ACTR3C: variants seen among roughly 807,000 people sequenced by gnomAD.
The protein encoded by ACTR3C is actin-related protein 3C.
Under a neutral mutation model 26.3 loss-of-function variants are expected in ACTR3C, and 18 were observed. That is an observed-to-expected ratio of 0.68 (90% CI 0.47 to 1.01). The LOEUF (loss-of-function observed/expected upper bound fraction) is 1.01. ACTR3C is among the 50% of genes least tolerant of loss of function. The pLI is 0.00. For missense variants in ACTR3C, 184 were observed against 250.7 expected, an observed-to-expected ratio of 0.73 and a Z score of 1.80; for synonymous variants, 55 against 94.5, an observed-to-expected ratio of 0.58 and a Z score of 2.42.
At chr7:149,925,442 C>T in the ACTR3C span, among the ~76,000 whole-genome samples, 5 of 152,160 alleles carry the variant, frequency 3.3e-5, no homozygotes, top group African/African-American at 1.2e-4. Context: ...GCAGGGGAAG[C>T]CGGCACCATT....
the ACTR3C span, among the ~76,000 whole-genome samples, chr7:149,924,512 T>A: frequency 6.6e-6 from 1 of 152,232 alleles, no homozygotes; most frequent in Non-Finnish European, 1.5e-5. Context: ...CACTCTGATT[T>A]AAATTAACAT....
In ACTR3C at chr7:150,285,102, C is replaced by A. The variant is rs1447135379; in HGVS notation, c.472-257G>T. Among the ~76,000 whole-genome samples the A allele has an allele frequency of 4.6e-5, 7 of 152,228 alleles. No homozygotes were observed. In the East Asian group the frequency reaches 5.8e-4, roughly 13 times the overall value. Reference sequence around the variant, plus strand: ...CCAACAACATCACAGACAGACCACCCCCACCCCATGAATACACAGTGATTC... The same window carrying A: ...CCAACAACATCACAGACAGACCACCACCACCCCATGAATACACAGTGATTC... On this transcript the variant is annotated intron_variant, in intron 5 of 7. Coordinates refer to ENST00000683684, the MANE Select transcript of ACTR3C (RefSeq NM_001164458.2).
the ACTR3C span, among the ~76,000 whole-genome samples, chr7:150,150,334 G>A: frequency 6.6e-5 from 10 of 152,164 alleles, no homozygotes; most frequent in Middle Eastern, 3.2e-3. Flanking sequence ...TTTCTCTCCC[G>A]CTGGTCTTGA....
At chr7:149,975,446 G>A in the ACTR3C span, among the ~76,000 whole-genome samples, 1 of 151,928 alleles carries the variant, frequency 6.6e-6, no homozygotes, top group Non-Finnish European at 1.5e-5. Flanking sequence ...TTTATATTAA[G>A]AAAGAAGAAA....
chr7:150,215,048 T>G, the ACTR3C span, among the ~76,000 whole-genome samples: 363 of 150,594 alleles, frequency 2.4e-3, 3 homozygotes, highest in Middle Eastern at 0.01. Context: ...GAATCAAAAT[T>G]GTTTTAGCTG....
chr7:149,887,800 G>C, the ACTR3C span, among the ~76,000 whole-genome samples: 1 of 152,160 alleles, frequency 6.6e-6, no homozygotes, highest in Non-Finnish European at 1.5e-5. Context: ...GGAGGTAATT[G>C]AATCATGGGG....
At chr7:150,033,321 G>A in the ACTR3C span, among the ~76,000 whole-genome samples, 2 of 152,230 alleles carry the variant, frequency 1.3e-5, no homozygotes, top group South Asian at 4.2e-4. Flanking sequence ...TTTGCTCTAG[G>A]GCTCTTCTCA....
the ACTR3C span, among the ~76,000 whole-genome samples, chr7:150,127,648 AC>A: frequency 6.6e-6 from 1 of 152,204 alleles, no homozygotes; most frequent in East Asian, 1.9e-4. Flanking sequence ...AAGCAGAAAA[AC>A]ATATCCGTTT....
At chr7:150,038,087 T>TC in the ACTR3C span, among the ~76,000 whole-genome samples, 29 of 133,244 alleles carry the variant, frequency 2.2e-4, 4 homozygotes, top group East Asian at 1.5e-3. Flanking sequence ...GGGGGGTGCC[T>TC]CCCCCCCTGT....
the ACTR3C span, among the ~76,000 whole-genome samples, chr7:149,997,466 T>TCCTTGCCTGTTAAG: frequency 1.3e-5 from 2 of 152,172 alleles, no homozygotes; most frequent in East Asian, 3.9e-4. Flanking sequence ...TTTTTGTTGC[T>TCCTTGCCTGTTAAG]CACTGCTGTA....
At chr7:149,966,457 G>A in the ACTR3C span, among the ~76,000 whole-genome samples, 1 of 152,198 alleles carries the variant, frequency 6.6e-6, no homozygotes, top group Non-Finnish European at 1.5e-5. Context: ...AGAGAATTGA[G>A]GAAAGTAACA....
chr7:150,257,683 G>T (rs1402157024), intron 6 of ACTR3C, among the ~76,000 whole-genome samples: 1 of 152,204 alleles, frequency 6.6e-6, no homozygotes, highest in African/African-American at 2.4e-5. Flanking sequence ...ATACTCAGCA[G>T]AATGGAAATG....
At chr7:150,250,331 G>A (rs1164879506) in intron 6 of ACTR3C, among the ~76,000 whole-genome samples, 1 of 150,494 alleles carries the variant, frequency 6.6e-6, no homozygotes, top group Non-Finnish European at 1.5e-5. Context: ...AGCCTCCCGA[G>A]TAGCTGGGAC....
the ACTR3C span, among the ~76,000 whole-genome samples, chr7:149,994,844 CTTTT>C: frequency 1.8e-5 from 2 of 112,432 alleles, no homozygotes; most frequent in East Asian, 2.6e-4. Flanking sequence ...TGTTAACATT[CTTTT>C]TTTTTTTTTT....
chr7:150,175,832 A>C, the ACTR3C span, among the ~76,000 whole-genome samples: 952 of 145,998 alleles, frequency 6.5e-3, 73 homozygotes, highest in African/African-American at 0.025. Flanking sequence ...AAAAAAAAAA[A>C]AAAGAAAGAA....
chr7:150,106,892 G>A, the ACTR3C span, among the ~76,000 whole-genome samples: 100,404 of 140,958 alleles, frequency 0.71, 36,479 homozygotes, highest in South Asian at 0.75. Context: ...CTACTTTTCA[G>A]CTTGGTTTAG....
chr7:150,101,191 T>C, the ACTR3C span, among the ~76,000 whole-genome samples: 1 of 151,518 alleles, frequency 6.6e-6, no homozygotes. Context: ...AAACGCCAAA[T>C]GCATTCAGAA....
chr7:150,102,196 C>T, the ACTR3C span, among the ~76,000 whole-genome samples: 1 of 151,514 alleles, frequency 6.6e-6, no homozygotes, highest in East Asian at 1.9e-4. Flanking sequence ...GATTCTGAGC[C>T]TTGGTACCAG....
At chr7:150,161,597 A>G in the ACTR3C span, among the ~76,000 whole-genome samples, 1 of 152,086 alleles carries the variant, frequency 6.6e-6, no homozygotes, top group African/African-American at 2.4e-5. Context: ...CCACATTTTC[A>G]TAATCCAGTC....
Sources: allele counts gnomAD v4.1 joint callset (sites outside exome capture counted in the v4.1 genomes callset), GRCh38; gene constraint gnomAD v4.1.1; transcripts MANE v1.5; gene names NCBI Gene and HGNC (gene_info 2026-07-23, HGNC 2026-07-21).